The following UBR2 variants were observed in gnomAD, a reference collection of about 807,000 sequenced individuals.
UBR2 encodes ubiquitin protein ligase E3 component n-recognin 2.
Under a neutral mutation model 247.9 loss-of-function variants are expected in UBR2, and 92 were observed. The ratio of observed to expected loss-of-function variants is 0.37; its 90% CI spans 0.31 to 0.44. UBR2 has a LOEUF of 0.44. Among genes scored for constraint, UBR2 ranks in the 20% least tolerant of loss-of-function variants. UBR2 has a pLI of 1.00. For synonymous variants in UBR2, 672 were observed against 693.5 expected (o/e 0.97, Z 0.49); for missense variants, 1,613 against 2,112.6 (o/e 0.76, Z 4.64).
intron 11 of UBR2, among the ~76,000 whole-genome samples, chr6:42,625,069 G>A (rs577804886): frequency 3.3e-5 from 5 of 152,320 alleles, no homozygotes; most frequent in Admixed American, 3.3e-4. Context: ...TTGGAGGTTA[G>A]AAGCAAGATG....
At chr6:42,602,375 T>C (rs1793437331) in intron 4 of UBR2, among the ~76,000 whole-genome samples, 2 of 152,066 alleles carry the variant, frequency 1.3e-5, no homozygotes, top group South Asian at 4.2e-4. Flanking sequence ...GCTAATTTTT[T>C]GTATTTTTAG....
chr6:42,570,016 A>C (rs544128151), intron 1 of UBR2, among the ~76,000 whole-genome samples: 1 of 151,726 alleles, frequency 6.6e-6, no homozygotes, highest in East Asian at 1.9e-4. Context: ...TGGAAATCTT[A>C]ATTTTTCATG....
At chr6:42,642,323 C>A in intron 17 of UBR2, 93 bp from the exon 18 acceptor site, 1 of 802,078 alleles carries the variant, frequency 1.2e-6, no homozygotes, top group South Asian at 1.5e-5. Flanking sequence ...CACATGCACA[C>A]ATTCTTGTAC....
At chr6:42,673,941 G>A in intron 37 of UBR2, 54 bp downstream of exon 37, 1 of 1,461,652 alleles carries the variant, frequency 6.8e-7, no homozygotes, top group Non-Finnish European at 9.5e-7. Context: ...CTGAAATTTT[G>A]TTTTTAATGG....
chr6:42,669,944 T>G (rs2151981934), intron 34 of UBR2, 148 bp from the exon 35 acceptor site: 4 of 993,816 alleles, frequency 4.0e-6, no homozygotes, highest in East Asian at 2.8e-5. Context: ...AGGGGCAGTT[T>G]GCATTATCTC....
intron 4 of UBR2, 73 bp from the exon 5 acceptor site, chr6:42,603,515 G>A: frequency 7.3e-7 from 1 of 1,374,428 alleles, no homozygotes; most frequent in South Asian, 1.6e-5. Flanking sequence ...TTTGAGGGAT[G>A]GAAGCAGAAT....
At chr6:42,631,261 C>T (rs1314403613) in intron 11 of UBR2, among the ~76,000 whole-genome samples, 1 of 152,140 alleles carries the variant, frequency 6.6e-6, no homozygotes, top group Non-Finnish European at 1.5e-5. Context: ...GATCCATGAT[C>T]TTTTGTATCA....
rs377264519 is a variant in UBR2, at chr6:42,662,229, C to T, written c.3488C>T (p.Thr1163Ile). 3.8e-5 allele frequency: 61 copies of T among 1,612,022 alleles called. 1 individual carries two copies. The highest frequency in any genetic ancestry group is 2.5e-4 in the Admixed American group (15 of 59,690). ...LFMHPDLSCG[T>I]HTSSCGHIMH... is the part of the protein sequence containing the mutation. ...ATGCACCCTGATCTGTCTTGTGGAACACACACTAGTAGCTGTGGGCACATT... is the reference window on the plus strand; with the variant it reads ...ATGCACCCTGATCTGTCTTGTGGAATACACACTAGTAGCTGTGGGCACATT... Residue 1163 changes from threonine to isoleucine, a missense_variant, in exon 31 of 47, where the codon ACA (threonine) becomes ATA (isoleucine). Physicochemically the swap from Thr to Ile is moderately conservative, Grantham distance 89. Transcript: ENST00000372901.
chr6:42,639,137 G>A (rs1043076507), intron 15 of UBR2, among the ~76,000 whole-genome samples: 3 of 152,158 alleles, frequency 2.0e-5, no homozygotes, highest in Admixed American at 6.5e-5. Flanking sequence ...ATTTACAAAT[G>A]GAGCAGTAAA....
chr6:42,608,446 C>T (rs2151931863), intron 7 of UBR2, among the ~76,000 whole-genome samples: 1 of 152,100 alleles, frequency 6.6e-6, no homozygotes. Context: ...GGCAACAGAG[C>T]AAGACCCCGA....
intron 11 of UBR2, among the ~76,000 whole-genome samples, chr6:42,624,336 G>A (rs1382740317): frequency 5.2e-5 from 7 of 135,884 alleles, no homozygotes; most frequent in Non-Finnish European, 8.2e-5. Context: ...TGTTGAGTTG[G>A]TGGGGGGGGT....
chr6:42,608,093 G>A (rs982871868), intron 7 of UBR2, among the ~76,000 whole-genome samples: 6 of 151,974 alleles, frequency 3.9e-5, no homozygotes, highest in Admixed American at 6.6e-5. Flanking sequence ...AAATACTCCC[G>A]TTATGGGCAT....
intron 33 of UBR2, among the ~76,000 whole-genome samples, chr6:42,665,871 T>C (rs954567499): frequency 6.6e-6 from 1 of 152,166 alleles, no homozygotes; most frequent in Admixed American, 6.5e-5. Context: ...GACCATGCAC[T>C]GCACTTATGA....
chr6:42,617,366 A>G (rs371295694), intron 10 of UBR2, 43 bp from the exon 11 acceptor site: 7 of 1,613,892 alleles, frequency 4.3e-6, no homozygotes, highest in Non-Finnish European at 5.9e-6. Context: ...TTTCTTTGTA[A>G]CTGATAGCTG....
At chr6:42,592,282 A>G in intron 3 of UBR2, 53 bp downstream of exon 3, 2 of 1,328,194 alleles carry the variant, frequency 1.5e-6, no homozygotes, top group East Asian at 2.6e-5. Context: ...TATAATAAAT[A>G]TCTTTTCTTT....
intron 11 of UBR2, among the ~76,000 whole-genome samples, chr6:42,619,190 A>C (rs1191190574): frequency 6.6e-6 from 1 of 151,508 alleles, no homozygotes; most frequent in Non-Finnish European, 1.5e-5. Context: ...GTTTTCGCTT[A>C]TTCTTAGGCC....
intron 26 of UBR2, among the ~76,000 whole-genome samples, chr6:42,655,975 TA>T (rs995934105): frequency 7.9e-5 from 12 of 151,306 alleles, no homozygotes; most frequent in Admixed American, 1.3e-4. Flanking sequence ...GTATTGAAAA[TA>T]AAAAAAAATT....
intron 23 of UBR2, 101 bp downstream of exon 23, chr6:42,650,487 C>A: frequency 1.1e-6 from 1 of 940,934 alleles, no homozygotes; most frequent in Non-Finnish European, 1.6e-6. Context: ...GGTGGCTATT[C>A]ACAATGCCAT....
chr6:42,673,759 TG>T, intron 36 of UBR2, 31 bp from the exon 37 acceptor site: 1 of 1,550,298 alleles, frequency 6.5e-7, no homozygotes, highest in East Asian at 2.2e-5. Flanking sequence ...TTTGCATTTT[TG>T]TTTTTTGTTA....
Sources: gnomAD v4.1 joint callset for allele counts (sites outside exome capture counted in the v4.1 genomes callset) on GRCh38, gnomAD v4.1.1 for gene constraint, MANE v1.5 for transcripts, NCBI Gene and HGNC (gene_info 2026-07-23, HGNC 2026-07-21) for gene names.